Variants in CCSER2 observed in about 807,000 individuals in gnomAD.
The protein encoded by CCSER2 is coiled-coil serine rich protein 2.
In CCSER2, 46 loss-of-function variants were observed where a neutral mutation model predicts 92.3. The observed-to-expected ratio is 0.50, with a 90% confidence interval of 0.39 to 0.64. The LOEUF (loss-of-function observed/expected upper bound fraction) is 0.64, where lower values mean the gene tolerates loss of function less well. Among genes scored for constraint, CCSER2 ranks in the 30% least tolerant of loss-of-function variants. The pLI, the probability that CCSER2 is intolerant of heterozygous loss-of-function variation, is 0.00. For missense variants in CCSER2, 1,244 were observed against 1,238.9 expected (o/e 1.00, Z -0.06); for synonymous variants, 433 against 431.4 (o/e 1.00, Z -0.04).
intron 7 of CCSER2, among the ~76,000 whole-genome samples, chr10:84,469,408 ATTGT>A (rs1283630874): frequency 6.6e-6 from 1 of 152,002 alleles, no homozygotes; most frequent in Non-Finnish European, 1.5e-5. Context: ...AATCTTCCAC[ATTGT>A]TTGGGATGCT....
chr10:84,499,946 G>A (rs376303327), intron 9 of CCSER2: 11 of 1,613,556 alleles, frequency 6.8e-6, no homozygotes, highest in Middle Eastern at 1.6e-4. Context: ...CTGTTCCACC[G>A]CACCGCAGAC....
chr10:84,514,122 C>G lies in CCSER2; in HGVS notation c.2999C>G (p.Pro1000Arg). ...CAAACAAACAGCCCCCAACTAGAGCCTCAAAGCTTCCAGGCCAAGACAAGC... is the reference window on the plus strand; with the variant it reads ...CAAACAAACAGCCCCCAACTAGAGCGTCAAAGCTTCCAGGCCAAGACAAGC... ...QKQTNSPQLE[P>R]QSFQAKTSIP... Residue 1000 changes from proline (P) to arginine (R), a missense_variant, in exon 10 of 10, where the codon CCT (proline) becomes CGT (arginine). Physicochemically the swap from Pro to Arg is moderately radical, Grantham distance 103. Transcript: ENST00000372088. The G allele has an allele frequency of 2.0e-6, 3 of 1,536,238 alleles. No homozygotes were observed. Among genetic ancestry groups the G allele is most frequent in the Non-Finnish European group, 2.6e-6 (3 of 1,146,936 alleles).
intron 9 of CCSER2, among the ~76,000 whole-genome samples, chr10:84,479,947 C>T (rs1454438684): frequency 6.6e-6 from 1 of 152,012 alleles, no homozygotes; most frequent in Non-Finnish European, 1.5e-5. Context: ...ACTTAACTTC[C>T]CTGAGAGGAA....
intron 3 of CCSER2, among the ~76,000 whole-genome samples, chr10:84,388,411 A>G (rs1841343796): frequency 6.6e-6 from 1 of 152,148 alleles, no homozygotes; most frequent in Non-Finnish European, 1.5e-5. Context: ...CCACTGTAGA[A>G]TGTTATTTTC....
intron 6 of CCSER2, among the ~76,000 whole-genome samples, chr10:84,441,442 T>C (rs1844527934): frequency 6.6e-6 from 1 of 152,212 alleles, no homozygotes; most frequent in Non-Finnish European, 1.5e-5. Context: ...GAGAATTCTT[T>C]GGTTCCCTGT....
chr10:84,457,348 A>G (rs1845773484), intron 6 of CCSER2, among the ~76,000 whole-genome samples: 1 of 66,454 alleles, frequency 1.5e-5, no homozygotes, highest in African/African-American at 4.8e-5. Context: ...TATATTATAT[A>G]TAATATATAT....
At chr10:84,401,234 C>A (rs1842100689) in intron 3 of CCSER2, among the ~76,000 whole-genome samples, 2 of 151,620 alleles carry the variant, frequency 1.3e-5, no homozygotes. Context: ...AATTAAAAGC[C>A]CAAAAGTAAT....
chr10:84,427,752 C>T (rs1843517231), intron 5 of CCSER2, among the ~76,000 whole-genome samples: 2 of 152,102 alleles, frequency 1.3e-5, no homozygotes, highest in Admixed American at 1.3e-4. Context: ...ATCTGGAATT[C>T]TCTCATATCC....
chr10:84,355,557 A>G (rs1845121653), intron 1 of CCSER2, among the ~76,000 whole-genome samples: 1 of 152,216 alleles, frequency 6.6e-6, no homozygotes, highest in Admixed American at 6.5e-5. Flanking sequence ...TAGCAGTTAT[A>G]GTACTTCATT....
intron 5 of CCSER2, among the ~76,000 whole-genome samples, chr10:84,435,708 A>G (rs903354160): frequency 1.6e-4 from 24 of 152,156 alleles, no homozygotes; most frequent in African/African-American, 5.5e-4. Context: ...TCAGATGCAA[A>G]GGAAAAGAGT....
intron 6 of CCSER2, among the ~76,000 whole-genome samples, chr10:84,441,618 A>T (rs1005310383): frequency 2.6e-5 from 4 of 151,562 alleles, no homozygotes; most frequent in Admixed American, 1.3e-4. Flanking sequence ...CATTGTGTGG[A>T]TATCAGTGGA....
At chr10:84,383,146 T>C (rs1357854240) in intron 3 of CCSER2, among the ~76,000 whole-genome samples, 1 of 150,268 alleles carries the variant, frequency 6.7e-6, no homozygotes, top group African/African-American at 2.5e-5. Context: ...AAGAAGAATA[T>C]AAAAATATCA....
intron 3 of CCSER2, among the ~76,000 whole-genome samples, chr10:84,407,692 A>G (rs1292782271): frequency 1.3e-5 from 2 of 152,210 alleles, no homozygotes; most frequent in East Asian, 1.9e-4. Context: ...CTCTAGTGCA[A>G]ATCTCAATTT....
At chr10:84,366,744 A>G (rs1052810081) in intron 1 of CCSER2, among the ~76,000 whole-genome samples, 1 of 152,180 alleles carries the variant, frequency 6.6e-6, no homozygotes, top group Non-Finnish European at 1.5e-5. Flanking sequence ...CTCCCTGTAC[A>G]ATGAGTTTTG....
chr10:84,366,678 C>T (rs974138706), intron 1 of CCSER2, among the ~76,000 whole-genome samples: 2 of 152,098 alleles, frequency 1.3e-5, no homozygotes, highest in Non-Finnish European at 2.9e-5. Context: ...TGACAAATAA[C>T]GTATCTTGGC....
chr10:84,365,026 G>A (rs1363665980), intron 1 of CCSER2, among the ~76,000 whole-genome samples: 4 of 151,954 alleles, frequency 2.6e-5, no homozygotes, highest in Non-Finnish European at 4.4e-5. Flanking sequence ...ATAGGCGTGA[G>A]TCACCACGCC....
chr10:84,439,058 A>G (rs1009328459), intron 6 of CCSER2, among the ~76,000 whole-genome samples: 9 of 152,206 alleles, frequency 5.9e-5, no homozygotes, highest in African/African-American at 1.9e-4. Context: ...GGCATTCAGT[A>G]TTCAGTGGGC....
chr10:84,478,739 T>C (rs111501959), intron 9 of CCSER2, among the ~76,000 whole-genome samples: 16 of 152,310 alleles, frequency 1.1e-4, no homozygotes, highest in African/African-American at 3.8e-4. Flanking sequence ...TGGGAATGCA[T>C]TGATGTAGTT....
At chr10:84,441,742 T>A (rs1453461606) in intron 6 of CCSER2, among the ~76,000 whole-genome samples, 837 of 22,988 alleles carry the variant, frequency 0.036, 22 homozygotes, top group Non-Finnish European at 0.054. Flanking sequence ...AAATGTTTTT[T>A]TTTTTTTTTT....
Sources: gnomAD v4.1 joint callset for allele counts (sites outside exome capture counted in the v4.1 genomes callset) on GRCh38, gnomAD v4.1.1 for gene constraint, MANE v1.5 for transcripts, NCBI Gene and HGNC (gene_info 2026-07-23, HGNC 2026-07-21) for gene names.